Variants in ANKS1B observed in about 807,000 individuals in gnomAD.
ANKS1B encodes ankyrin repeat and sterile alpha motif domain containing 1B.
In ANKS1B, 36 loss-of-function variants were observed where a neutral mutation model predicts 148.3. The ratio of observed to expected loss-of-function variants is 0.24; its 90% CI spans 0.19 to 0.32. ANKS1B has a LOEUF of 0.32. ANKS1B is among the 10% of genes least tolerant of loss of function. The pLI is 1.00. For missense variants in ANKS1B, 1,157 were observed against 1,542.6 expected (o/e 0.75, Z 4.19); for synonymous variants, 542 against 560.8 (o/e 0.97, Z 0.47).
intron 8 of ANKS1B, among the ~76,000 whole-genome samples, chr12:99,712,315 A>T (rs966289199): frequency 6.6e-6 from 1 of 152,194 alleles, no homozygotes; most frequent in African/African-American, 2.4e-5. Flanking sequence ...GGATGGCTAC[A>T]TCCTAATAAC....
At chr12:99,972,152 G>A (rs938411063) in intron 1 of ANKS1B, among the ~76,000 whole-genome samples, 3 of 151,862 alleles carry the variant, frequency 2.0e-5, no homozygotes, top group East Asian at 1.9e-4. Flanking sequence ...CTATTCCCTC[G>A]GATACAACAA....
chr12:99,815,901 G>A (rs1339137941), intron 2 of ANKS1B, among the ~76,000 whole-genome samples: 1 of 151,690 alleles, frequency 6.6e-6, no homozygotes, highest in African/African-American at 2.4e-5. Flanking sequence ...TGGCACTTAG[G>A]TTGGTTCCAT....
chr12:99,821,157 T>C (rs2082452357), intron 2 of ANKS1B, among the ~76,000 whole-genome samples: 1 of 152,016 alleles, frequency 6.6e-6, no homozygotes, highest in South Asian at 2.1e-4. Context: ...CAATGGAGAA[T>C]ATCAAGCCAA....
chr12:98,800,367 A>G (rs2098991721), intron 21 of ANKS1B, among the ~76,000 whole-genome samples: 1 of 152,102 alleles, frequency 6.6e-6, no homozygotes, highest in South Asian at 2.1e-4. Flanking sequence ...TCTTTTTAAG[A>G]GAGGCAGTTT....
chr12:99,029,160 C>T (rs538232327), intron 17 of ANKS1B, among the ~76,000 whole-genome samples: 6 of 152,084 alleles, frequency 3.9e-5, no homozygotes, highest in Admixed American at 2.0e-4. Flanking sequence ...GCTTAACCAA[C>T]GATAGGTAAT....
At chr12:99,099,846 A>G in intron 15 of ANKS1B, 1 of 152,006 alleles carries the variant, frequency 6.6e-6, no homozygotes, top group East Asian at 1.9e-4. Flanking sequence ...AGAGACCACA[A>G]AAGGAAGGAA....
chr12:99,624,119 G>A lies in ANKS1B; in HGVS notation c.1272+30948C>T, dbSNP rs539953302. Reference sequence around the variant, plus strand: ...TAAAGCCACACATCTACAGTCATCTGATTCTTGACAAATCAACAAAAATAA... The same window carrying A: ...TAAAGCCACACATCTACAGTCATCTAATTCTTGACAAATCAACAAAAATAA... On this transcript the variant is annotated intron_variant, in intron 9 of 26. Transcript: ENST00000683438. Among the ~76,000 whole-genome samples, 7 of 152,190 alleles carry A rather than the reference G, an allele frequency of 4.6e-5. No homozygotes were observed. The South Asian group carries it at 1.5e-3, about 32-fold the overall frequency.
At chr12:99,431,453 A>G (rs1375346271) in intron 11 of ANKS1B, among the ~76,000 whole-genome samples, 1 of 152,240 alleles carries the variant, frequency 6.6e-6, no homozygotes, top group African/African-American at 2.4e-5. Context: ...AAAGAGGCCT[A>G]TGAAATGCCC....
At chr12:99,799,232 G>A in intron 4 of ANKS1B, among the ~76,000 whole-genome samples, 1 of 152,116 alleles carries the variant, frequency 6.6e-6, no homozygotes, top group Middle Eastern at 3.4e-3. Flanking sequence ...CTTCTTTACA[G>A]ACCTTTTTCC....
At chr12:99,574,419 T>G (rs2097495329) in intron 9 of ANKS1B, among the ~76,000 whole-genome samples, 1 of 152,126 alleles carries the variant, frequency 6.6e-6, no homozygotes, top group South Asian at 2.1e-4. Context: ...CAGGCTGCTA[T>G]GGAATCATCT....
intron 12 of ANKS1B, among the ~76,000 whole-genome samples, chr12:99,306,048 C>G (rs916664745): frequency 1.1e-4 from 16 of 152,166 alleles, no homozygotes; most frequent in African/African-American, 3.9e-4. Flanking sequence ...AATTTGAACT[C>G]CAGGGGTTTT....
intron 8 of ANKS1B, among the ~76,000 whole-genome samples, chr12:99,758,153 T>C (rs766171848): frequency 7.2e-5 from 11 of 151,920 alleles, no homozygotes; most frequent in Non-Finnish European, 1.2e-4. Context: ...CAAACTCCAT[T>C]TCAGAAAGTC....
chr12:99,313,683 T>C (rs1033090107), intron 12 of ANKS1B, among the ~76,000 whole-genome samples: 3 of 152,148 alleles, frequency 2.0e-5, no homozygotes, highest in African/African-American at 7.2e-5. Flanking sequence ...ATTATCTCAG[T>C]AGGTGCAGAA....
chr12:99,024,211 G>A lies in ANKS1B; in HGVS notation c.2778+28946C>T, dbSNP rs1305911794. Among the ~76,000 whole-genome samples the A allele has an allele frequency of 3.9e-5, 6 of 151,964 alleles. No individual in the cohort carries two copies. The East Asian group carries it at 1.2e-3, about 29-fold the overall frequency. Reference sequence around the variant, plus strand: ...TAAGCAACAGCACAGTACCACAGTTGTATAAATTAAAATATATACCCACTA... The same window carrying A: ...TAAGCAACAGCACAGTACCACAGTTATATAAATTAAAATATATACCCACTA... On this transcript the variant is annotated intron_variant, in intron 17 of 26. Transcript: ENST00000683438.
At chr12:98,863,663 A>G (rs1050934624) in intron 17 of ANKS1B, among the ~76,000 whole-genome samples, 3 of 152,250 alleles carry the variant, frequency 2.0e-5, no homozygotes, top group Non-Finnish European at 4.4e-5. Context: ...CAGTTGATAG[A>G]TATTAAACAA....
chr12:99,314,163 C>T (rs1054726768), intron 12 of ANKS1B, among the ~76,000 whole-genome samples: 3 of 152,142 alleles, frequency 2.0e-5, no homozygotes, highest in African/African-American at 7.2e-5. Context: ...AACTCCCATT[C>T]ACAATTGCTA....
intron 9 of ANKS1B, among the ~76,000 whole-genome samples, chr12:99,571,937 CA>C (rs1218968900): frequency 1.3e-5 from 2 of 152,066 alleles, no homozygotes; most frequent in African/African-American, 2.4e-5. Flanking sequence ...AACAAACAAA[CA>C]AACCAATAAA....
intron 9 of ANKS1B, among the ~76,000 whole-genome samples, chr12:99,520,246 G>A (rs1173706397): frequency 6.6e-6 from 1 of 152,096 alleles, no homozygotes; most frequent in Non-Finnish European, 1.5e-5. Flanking sequence ...AACATTTCTT[G>A]TAGGACAGGT....
chr12:98,794,737 GC>G, intron 22 of ANKS1B: 2 of 1,003,794 alleles, frequency 2.0e-6, no homozygotes, highest in Non-Finnish European at 3.2e-6. Context: ...ACCAGTGAGA[GC>G]TATGGAATAA....
Sources: gnomAD v4.1 joint callset for allele counts (sites outside exome capture counted in the v4.1 genomes callset) on GRCh38, gnomAD v4.1.1 for gene constraint, MANE v1.5 for transcripts, NCBI Gene and HGNC (gene_info 2026-07-23, HGNC 2026-07-21) for gene names.